Variants in NHSL1 observed in about 807,000 individuals in gnomAD.
The protein encoded by NHSL1 is NHS like 1, also known as NHS-like protein 1.
A neutral mutation model predicts 95.0 loss-of-function variants in NHSL1; 48 were observed. The observed-to-expected ratio is 0.51, with a 90% CI of 0.40 to 0.64. The LOEUF is 0.64. NHSL1 is among the 30% of genes least tolerant of loss of function. The pLI is 0.00. For synonymous variants in NHSL1, 783 were observed against 833.9 expected (o/e 0.94, Z 1.05); for missense variants, 1,971 against 2,077.7 (o/e 0.95, Z 1.00).
At chr6:138,476,602 G>A (rs765970469) in intron 2 of NHSL1, among the ~76,000 whole-genome samples, 18 of 152,014 alleles carry the variant, frequency 1.2e-4, no homozygotes, top group East Asian at 3.9e-4. Flanking sequence ...CGAGGCAGGC[G>A]GATCACCTGG....
chr6:138,652,095 T>C (rs1785100131), intron 1 of NHSL1, among the ~76,000 whole-genome samples: 1 of 152,196 alleles, frequency 6.6e-6, no homozygotes, highest in African/African-American at 2.4e-5. Context: ...ATATTTATTA[T>C]TTTGTGTTTA....
At chr6:138,566,826 G>C (rs185407676) in intron 1 of NHSL1, among the ~76,000 whole-genome samples, 1 of 152,232 alleles carries the variant, frequency 6.6e-6, no homozygotes, top group Non-Finnish European at 1.5e-5. Flanking sequence ...ATGGACCAGA[G>C]AAAACATTAA....
chr6:138,637,380 C>G (rs1253506586), intron 1 of NHSL1, among the ~76,000 whole-genome samples: 1 of 152,046 alleles, frequency 6.6e-6, no homozygotes. Flanking sequence ...GCAACCAAAG[C>G]AAAAATGAAC....
At chr6:138,633,356 A>G (rs1001687104) in intron 1 of NHSL1, among the ~76,000 whole-genome samples, 1 of 152,252 alleles carries the variant, frequency 6.6e-6, no homozygotes, top group Non-Finnish European at 1.5e-5. Flanking sequence ...TATATAGAAC[A>G]TCAAGTGGGT....
At chr6:138,625,387 C>T (rs1270638296) in intron 1 of NHSL1, among the ~76,000 whole-genome samples, 1 of 152,062 alleles carries the variant, frequency 6.6e-6, no homozygotes. Flanking sequence ...AAGTGATCCA[C>T]CCGCCTTGGC....
chr6:138,501,740 T>A (rs1048550150), upstream of NHSL1, among the ~76,000 whole-genome samples: 2 of 152,222 alleles, frequency 1.3e-5, no homozygotes, highest in Admixed American at 1.3e-4. Context: ...TGTTCCTCTG[T>A]ATCCATTCCA....
At chr6:138,680,773 C>G (rs535902876) in intron 1 of NHSL1, among the ~76,000 whole-genome samples, 1 of 152,118 alleles carries the variant, frequency 6.6e-6, no homozygotes, top group African/African-American at 2.4e-5. Flanking sequence ...CGAGCCACCA[C>G]GCCTGGTTAA....
intron 1 of NHSL1, among the ~76,000 whole-genome samples, chr6:138,522,073 C>T (rs750839046): frequency 6.6e-6 from 1 of 152,106 alleles, no homozygotes; most frequent in Non-Finnish European, 1.5e-5. Flanking sequence ...CGTCTGGCCA[C>T]GTGGAAACCG....
At chr6:138,627,488 A>G in intron 1 of NHSL1, among the ~76,000 whole-genome samples, 1 of 152,240 alleles carries the variant, frequency 6.6e-6, no homozygotes, top group East Asian at 1.9e-4. Flanking sequence ...TCACGCACAC[A>G]TCATACATTT....
intron 3 of NHSL1, among the ~76,000 whole-genome samples, chr6:138,455,434 C>T (rs773118716): frequency 1.4e-5 from 2 of 145,560 alleles, no homozygotes; most frequent in Non-Finnish European, 3.0e-5. Context: ...GCTTAACCAG[C>T]ATGGTGCGAT....
intron 1 of NHSL1, among the ~76,000 whole-genome samples, chr6:138,563,480 T>A (rs1412995964): frequency 6.6e-6 from 1 of 152,200 alleles, no homozygotes; most frequent in Non-Finnish European, 1.5e-5. Flanking sequence ...GATAATAGCA[T>A]AGTCTACACT....
chr6:138,677,681 T>A (rs1019437218), intron 1 of NHSL1, among the ~76,000 whole-genome samples: 1 of 152,160 alleles, frequency 6.6e-6, no homozygotes, highest in African/African-American at 2.4e-5. Context: ...TGCTAAGGTG[T>A]CTACGCAGAT....
intron 1 of NHSL1, among the ~76,000 whole-genome samples, chr6:138,537,174 T>G (rs1284124847): frequency 6.6e-6 from 1 of 152,228 alleles, no homozygotes; most frequent in Non-Finnish European, 1.5e-5. Flanking sequence ...GTATTTGTTC[T>G]GCCAGGAAAC....
chr6:138,503,798 A>G (rs895637944), upstream of NHSL1, among the ~76,000 whole-genome samples: 35 of 152,308 alleles, frequency 2.3e-4, no homozygotes, highest in Admixed American at 6.5e-4. Context: ...CATTATCTCA[A>G]GTTCAACATA....
At position 138,560,542 on chromosome 6, in the gene NHSL1, A is replaced by C. The variant is rs143929603; in HGVS notation, c.202+11168T>G. Among the ~76,000 whole-genome samples, 20 of 152,348 alleles carry C rather than the reference A, an allele frequency of 1.3e-4. No homozygotes were observed. In the East Asian group the frequency reaches 3.5e-3, roughly 26 times the overall value. ...GAGTGTGTTGAAGAACTCAGCAATGAAATGACTTTACGGTAGAAATCAAAG... is the reference window on the plus strand; with the variant it reads ...GAGTGTGTTGAAGAACTCAGCAATGCAATGACTTTACGGTAGAAATCAAAG... On this transcript the variant is annotated intron_variant, in intron 1 of 6. Coordinates refer to the NHSL1 transcript ENST00000427025.
chr6:138,493,664 G>T (rs893193195), intron 2 of NHSL1, among the ~76,000 whole-genome samples: 1 of 152,208 alleles, frequency 6.6e-6, no homozygotes, highest in Admixed American at 6.5e-5. Context: ...ACTGCCTCGG[G>T]GATTTGTCCT....
upstream of NHSL1, among the ~76,000 whole-genome samples, chr6:138,546,146 T>A (rs1049378447): frequency 2.0e-5 from 3 of 152,160 alleles, no homozygotes; most frequent in African/African-American, 7.2e-5. Flanking sequence ...CACCATATAC[T>A]GGTACATAAT....
chr6:138,647,169 C>T (rs562667117), intron 1 of NHSL1, among the ~76,000 whole-genome samples: 1 of 152,180 alleles, frequency 6.6e-6, no homozygotes, highest in Non-Finnish European at 1.5e-5. Flanking sequence ...ATATTTTGTT[C>T]TGTAGTTTCC....
rs1784252700 is a variant in NHSL1, at chr6:138,592,947, AG to A, written c.97-96577del. 2.6e-5 allele frequency among the ~76,000 whole-genome samples: 4 copies of A among 152,328 alleles called. No homozygotes were observed. In the South Asian group the frequency reaches 8.3e-4, roughly 32 times the overall value. ...TCAGTTGCCCACAGCCTTATAAATC[AG>A]TTTACTTGCTTCCTCATTTTCTGTT... On this transcript the variant is annotated intron_variant, in intron 1 of 3. Transcript: ENST00000491526.
Sources: allele counts gnomAD v4.1 joint callset (sites outside exome capture counted in the v4.1 genomes callset), GRCh38; gene constraint gnomAD v4.1.1; transcripts MANE v1.5; gene names NCBI Gene and HGNC (gene_info 2026-07-23, HGNC 2026-07-21).